Variants in ASTN2 observed in about 807,000 individuals in gnomAD.
ASTN2 encodes astrotactin-2.
In ASTN2, 54 loss-of-function variants were observed where a neutral mutation model predicts 139.8. The ratio of observed to expected loss-of-function variants is 0.39; its 90% CI spans 0.31 to 0.48. The LOEUF (loss-of-function observed/expected upper bound fraction) is 0.48, where lower values mean the gene tolerates loss of function less well. Among genes scored for constraint, ASTN2 ranks in the 20% least tolerant of loss-of-function variants. ASTN2 has a pLI of 0.95. For missense variants in ASTN2, 1,565 were observed against 1,725.1 expected (o/e 0.91, Z 1.64); for synonymous variants, 756 against 719.5 (o/e 1.05, Z -0.81).
At chr9:117,188,151 T>C (rs910339707) in intron 3 of ASTN2, among the ~76,000 whole-genome samples, 2 of 148,112 alleles carry the variant, frequency 1.4e-5, no homozygotes, top group Non-Finnish European at 3.0e-5. Context: ...AAGATGTGTG[T>C]GTGTGTCTGT....
chr9:116,501,834 C>T (rs368702026), intron 19 of ASTN2, among the ~76,000 whole-genome samples: 101 of 151,696 alleles, frequency 6.7e-4, no homozygotes, highest in African/African-American at 2.1e-3. Context: ...CACGCGTACC[C>T]TAAAACTTAA....
intron 12 of ASTN2, among the ~76,000 whole-genome samples, chr9:116,814,233 GGCT>G (rs1831249413): frequency 6.6e-6 from 1 of 151,918 alleles, no homozygotes; most frequent in Non-Finnish European, 1.5e-5. Context: ...GGATCATCAG[GGCT>G]AGAACCAGCA....
intron 19 of ASTN2, among the ~76,000 whole-genome samples, chr9:116,566,253 T>C (rs60542839): frequency 0.16 from 24,117 of 152,100 alleles, 2,080 homozygotes; most frequent in African/African-American, 0.21. Context: ...ATCTTTCATG[T>C]TCTTTCATAT....
intron 6 of ASTN2, among the ~76,000 whole-genome samples, chr9:117,034,278 G>T (rs1163502348): frequency 6.6e-6 from 1 of 152,142 alleles, no homozygotes; most frequent in African/African-American, 2.4e-5. Context: ...AGCTAAGATA[G>T]GTGTTTAATA....
At chr9:116,430,877 T>C (rs1399205970) in intron 22 of ASTN2, among the ~76,000 whole-genome samples, 3 of 152,202 alleles carry the variant, frequency 2.0e-5, no homozygotes, top group South Asian at 2.1e-4. Context: ...TAATAAATTG[T>C]AGGCAATGGA....
At chr9:117,365,078 G>T (rs1829800396) in intron 1 of ASTN2, among the ~76,000 whole-genome samples, 1 of 151,744 alleles carries the variant, frequency 6.6e-6, no homozygotes, top group Admixed American at 6.6e-5. Context: ...GAACCCTGGA[G>T]GTAGAGGTTG....
At chr9:116,553,078 T>A (rs1852426833) in intron 19 of ASTN2, among the ~76,000 whole-genome samples, 1 of 152,136 alleles carries the variant, frequency 6.6e-6, no homozygotes, top group African/African-American at 2.4e-5. Context: ...AAAAGATGTC[T>A]GAGTTAGGCT....
At chr9:116,856,679 G>A (rs1299684246) in intron 11 of ASTN2, among the ~76,000 whole-genome samples, 26 of 152,214 alleles carry the variant, frequency 1.7e-4, no homozygotes, top group Admixed American at 1.7e-3. Flanking sequence ...GGCAGCTCTT[G>A]TTGTTGTCTC....
chr9:116,512,980 G>A (rs147937686), intron 19 of ASTN2, among the ~76,000 whole-genome samples: 67 of 152,168 alleles, frequency 4.4e-4, no homozygotes, highest in Non-Finnish European at 7.5e-4. Context: ...TCTTTTAATC[G>A]GAGCATTTAG....
intron 20 of ASTN2, among the ~76,000 whole-genome samples, chr9:116,467,119 G>T (rs1321808076): frequency 6.6e-6 from 1 of 152,044 alleles, no homozygotes; most frequent in Non-Finnish European, 1.5e-5. Context: ...GGTTTGGTGT[G>T]TTTCTTTCTT....
At chr9:116,556,084 A>G (rs1439346368) in intron 19 of ASTN2, among the ~76,000 whole-genome samples, 1 of 152,236 alleles carries the variant, frequency 6.6e-6, no homozygotes, top group East Asian at 1.9e-4. Context: ...AGTGGAGAAC[A>G]GTTCAGACAC....
At chr9:116,561,259 A>C (rs1852899891) in intron 19 of ASTN2, among the ~76,000 whole-genome samples, 1 of 152,148 alleles carries the variant, frequency 6.6e-6, no homozygotes, top group South Asian at 2.1e-4. Flanking sequence ...CTATGCTAGA[A>C]AGTTCTTGTG....
chr9:116,879,083 G>A (rs1325785357), intron 10 of ASTN2, among the ~76,000 whole-genome samples: 1 of 152,082 alleles, frequency 6.6e-6, no homozygotes, highest in Non-Finnish European at 1.5e-5. Flanking sequence ...GTGACCTCTA[G>A]AAGGAAGAGC....
chr9:116,633,266 C>T (rs1856898658), intron 17 of ASTN2, among the ~76,000 whole-genome samples: 1 of 152,214 alleles, frequency 6.6e-6, no homozygotes, highest in South Asian at 2.1e-4. Flanking sequence ...CCCAAGGCAT[C>T]TTGCTCTGTG....
At chr9:116,956,183 C>T (rs1308029639) in intron 10 of ASTN2, among the ~76,000 whole-genome samples, 2 of 146,516 alleles carry the variant, frequency 1.4e-5, no homozygotes, top group Non-Finnish European at 3.0e-5. Flanking sequence ...GCAACCTCTG[C>T]CTCCTGGGTT....
chr9:117,032,126 T>C (rs1838264318), intron 6 of ASTN2, among the ~76,000 whole-genome samples: 3 of 152,112 alleles, frequency 2.0e-5, no homozygotes, highest in Admixed American at 1.3e-4. Context: ...AAGGCACAAA[T>C]ATAATTCTAG....
chr9:116,843,571 A>G (rs1410227276), intron 11 of ASTN2, among the ~76,000 whole-genome samples: 3 of 151,476 alleles, frequency 2.0e-5, no homozygotes, highest in African/African-American at 7.3e-5. Flanking sequence ...ATGGGGGAGA[A>G]TTGCTTGAAC....
At chr9:116,441,706 C>T (rs1202643067) in intron 21 of ASTN2, among the ~76,000 whole-genome samples, 1 of 152,116 alleles carries the variant, frequency 6.6e-6, no homozygotes, top group East Asian at 1.9e-4. Flanking sequence ...TATGTCTCTA[C>T]TGCATTGCTT....
Position 117,016,641 on chromosome 9 carries a change from T to C in ASTN2, c.1424-8382A>G, listed in dbSNP as rs1489500393. Among the ~76,000 whole-genome samples, 119 of 23,604 alleles carry C rather than the reference T, an allele frequency of 5.0e-3. 14 individuals carry two copies. The highest frequency in any genetic ancestry group is 9.4e-3 in the Admixed American group (15 of 1,588). 15.5% of individuals were successfully genotyped at this position (23,604 alleles called of 152,430 possible). A position where few individuals can be genotyped will look rare whatever the true frequency, so the allele number is the denominator to read the frequency against. On this transcript the variant is annotated intron_variant, in intron 6 of 22. Transcript: ENST00000313400. ...CTATCTATCTATATATATATATATA[T>C]ATATATATATATATAACCTATATAT...
Sources: allele counts gnomAD v4.1 joint callset (sites outside exome capture counted in the v4.1 genomes callset), GRCh38; gene constraint gnomAD v4.1.1; transcripts MANE v1.5; gene names NCBI Gene and HGNC (gene_info 2026-07-23, HGNC 2026-07-21).